The following KCNC2 variants were observed in gnomAD, a reference collection of about 807,000 sequenced individuals.
KCNC2 encodes the protein voltage-gated potassium channel KCNC2.
A neutral mutation model predicts 44.5 loss-of-function variants in KCNC2; 21 were observed. That is an observed-to-expected ratio of 0.47 (90% CI 0.33 to 0.68). The LOEUF (loss-of-function observed/expected upper bound fraction) is 0.68, where lower values mean the gene tolerates loss of function less well. Among genes scored for constraint, KCNC2 ranks in the 30% least tolerant of loss-of-function variants. The pLI is 0.01. For synonymous variants in KCNC2, 391 were observed against 339.1 expected (o/e 1.15, Z -1.68); for missense variants, 589 against 826.2 (o/e 0.71, Z 3.52).
chr12:75,195,872 C>A (rs1405341425), intron 2 of KCNC2, among the ~76,000 whole-genome samples: 2 of 152,134 alleles, frequency 1.3e-5, no homozygotes, highest in Non-Finnish European at 2.9e-5. Flanking sequence ...CAAGCATTCC[C>A]AGCCAACCTC....
intron 2 of KCNC2, among the ~76,000 whole-genome samples, chr12:75,100,474 G>A (rs1430896414): frequency 1.3e-5 from 2 of 151,784 alleles, no homozygotes; most frequent in Non-Finnish European, 2.9e-5. Flanking sequence ...CAAATGAAAA[G>A]GAAGAAAATG....
chr12:75,202,639 T>G (rs2031377405), intron 2 of KCNC2, among the ~76,000 whole-genome samples: 1 of 151,796 alleles, frequency 6.6e-6, no homozygotes, highest in South Asian at 2.1e-4. Flanking sequence ...CTTCATTATA[T>G]TGTAAGGAGA....
chr12:75,133,227 G>A (rs1888980015), intron 2 of KCNC2, among the ~76,000 whole-genome samples: 2 of 151,734 alleles, frequency 1.3e-5, no homozygotes, highest in Admixed American at 1.3e-4. Flanking sequence ...ATAGCACAAT[G>A]GGAAGACTAT....
chr12:75,162,655 AAG>A (rs2137532959), intron 2 of KCNC2, among the ~76,000 whole-genome samples: 1 of 151,874 alleles, frequency 6.6e-6, no homozygotes, highest in South Asian at 2.1e-4. Context: ...GCTACATAAA[AAG>A]AGGCTTGCCC....
chr12:75,061,948 A>T (rs1434403111), intron 2 of KCNC2, among the ~76,000 whole-genome samples: 1 of 152,072 alleles, frequency 6.6e-6, no homozygotes, highest in Non-Finnish European at 1.5e-5. Flanking sequence ...GCAATAGAGA[A>T]ATTAGGAATA....
At chr12:75,044,484 A>G (rs977623443) in intron 4 of KCNC2, 2 of 151,848 alleles carry the variant, frequency 1.3e-5, no homozygotes, top group African/African-American at 4.8e-5. Flanking sequence ...TCAGCTATTC[A>G]TCTTTAATTC....
chr12:75,050,376 A>T lies in KCNC2; in HGVS notation c.1615+14T>A, dbSNP rs1243992239. The T allele has an allele frequency of 6.4e-7, 1 of 1,563,650 alleles. No individual in the cohort carries two copies. Among genetic ancestry groups the T allele is most frequent in the Non-Finnish European group, 8.7e-7 (1 of 1,145,458 alleles). On this transcript the variant is annotated intron_variant, in intron 3 of 4. Transcript: ENST00000549446. ...TAAAGTATTTAATAACATGCATTTG[A>T]AGTCCTGCCTTACCTGATCTGTTAT...
At position 75,207,817 on chromosome 12, in the gene KCNC2, G is replaced by A. The variant is rs998530552; in HGVS notation, c.167C>T (p.Pro56Leu). The A allele has an allele frequency of 6.2e-7, 1 of 1,605,584 alleles. No homozygotes were observed. Among genetic ancestry groups the A allele is most frequent in the East Asian group, 2.3e-5 (1 of 44,238 alleles). Residue 56 changes from proline (P) to leucine (L), a missense_variant, in exon 2 of 5, where the codon CCG becomes CTG. Physicochemically the swap from Pro to Leu is moderately conservative, Grantham distance 98 (BLOSUM62 -3). Coordinates refer to ENST00000549446, the MANE Select transcript of KCNC2 (RefSeq NM_139137.4). This position sits in a 1 kb window ranked among gnomAD's most constrained non-coding sequence, Gnocchi z 4.1. Reference protein sequence around the residue: ...CLTTAGDKLQPSPPPLSPPPR... With the variant: ...CLTTAGDKLQLSPPPLSPPPR... ...CGGCGGCGACAGTGGAGGCGGCGAC[G>A]GCTGCAGCTTGTCGCCCGCCGTGGT...
intron 2 of KCNC2, among the ~76,000 whole-genome samples, chr12:75,153,408 C>T (rs1314225417): frequency 6.6e-6 from 1 of 151,672 alleles, no homozygotes; most frequent in Admixed American, 6.6e-5. Flanking sequence ...TAAGTGGTAG[C>T]TAAATAATGT....
chr12:75,197,284 A>G (rs2030854253), intron 2 of KCNC2, among the ~76,000 whole-genome samples: 1 of 151,844 alleles, frequency 6.6e-6, no homozygotes, highest in Non-Finnish European at 1.5e-5. Flanking sequence ...TGTTCTCTCA[A>G]GCCTGTTATT....
At chr12:75,066,509 A>G (rs910107863) in intron 2 of KCNC2, among the ~76,000 whole-genome samples, 6 of 152,226 alleles carry the variant, frequency 3.9e-5, no homozygotes, top group Admixed American at 2.6e-4. Flanking sequence ...AGCTAAATCA[A>G]TCAACTTAAC....
intron 2 of KCNC2, among the ~76,000 whole-genome samples, chr12:75,152,203 T>C (rs1272887315): frequency 6.7e-6 from 1 of 150,316 alleles, no homozygotes; most frequent in Non-Finnish European, 1.5e-5. Flanking sequence ...AATCCTCAGA[T>C]TGAGGAAGTT....
At chr12:75,167,182 A>C (rs1171706061) in intron 2 of KCNC2, among the ~76,000 whole-genome samples, 1 of 151,328 alleles carries the variant, frequency 6.6e-6, no homozygotes, top group Admixed American at 6.6e-5. Flanking sequence ...AAATAACTTC[A>C]CTGAAATAGA....
chr12:75,153,635 T>G (rs886245430), intron 2 of KCNC2, among the ~76,000 whole-genome samples: 7 of 151,024 alleles, frequency 4.6e-5, no homozygotes, highest in African/African-American at 1.7e-4. Context: ...TAATAATAAT[T>G]TTTAAATATG....
intron 2 of KCNC2, among the ~76,000 whole-genome samples, chr12:75,150,363 T>C (rs773793105): frequency 6.6e-4 from 100 of 151,898 alleles, no homozygotes; most frequent in Non-Finnish European, 7.7e-4. Flanking sequence ...ACCATTCCTG[T>C]AGAAAGTCTA....
intron 2 of KCNC2, among the ~76,000 whole-genome samples, chr12:75,167,894 A>G (rs1229147203): frequency 6.6e-6 from 1 of 151,370 alleles, no homozygotes; most frequent in African/African-American, 2.4e-5. Context: ...TCTATAATGC[A>G]TTAAAAATTT....
At chr12:75,173,149 C>G (rs1891946006) in intron 2 of KCNC2, among the ~76,000 whole-genome samples, 1 of 151,856 alleles carries the variant, frequency 6.6e-6, no homozygotes, top group Non-Finnish European at 1.5e-5. Context: ...TCCATAATCA[C>G]AATTTACGTC....
At chr12:75,093,479 C>A (rs927951711) in intron 2 of KCNC2, among the ~76,000 whole-genome samples, 1 of 151,628 alleles carries the variant, frequency 6.6e-6, no homozygotes, top group African/African-American at 2.4e-5. Flanking sequence ...CACTAATTGA[C>A]CACCCATGCA....
chr12:75,065,831 T>C, intron 2 of KCNC2, among the ~76,000 whole-genome samples: 1 of 152,118 alleles, frequency 6.6e-6, no homozygotes, highest in East Asian at 1.9e-4. Context: ...ATATTTATAA[T>C]ATTGCCAGTT....
Sources: gnomAD v4.1 joint callset for allele counts (sites outside exome capture counted in the v4.1 genomes callset) on GRCh38, gnomAD v4.1.1 for gene constraint, Gnocchi (gnomAD v3.1) non-coding constraint, MANE v1.5 for transcripts, NCBI Gene and HGNC (gene_info 2026-07-23, HGNC 2026-07-21) for gene names.